LRRC7: variants seen among roughly 807,000 people sequenced by gnomAD.
LRRC7 encodes leucine-rich repeat-containing protein 7.
Under a neutral mutation model 175.7 loss-of-function variants are expected in LRRC7, and 23 were observed. The observed-to-expected ratio is 0.13, with a 90% CI of 0.09 to 0.19. The LOEUF (loss-of-function observed/expected upper bound fraction) is 0.19, where lower values mean the gene tolerates loss of function less well. Among genes scored for constraint, LRRC7 ranks in the 10% least tolerant of loss-of-function variants. The pLI is 1.00. For synonymous variants in LRRC7, 685 were observed against 680.9 expected, an observed-to-expected ratio of 1.01 and a Z score of -0.09; for missense variants, 1,354 against 1,904.7, an observed-to-expected ratio of 0.71 and a Z score of 5.38.
intron 2 of LRRC7, among the ~76,000 whole-genome samples, chr1:69,709,155 G>A (rs1430616384): frequency 6.6e-6 from 1 of 152,218 alleles, no homozygotes; most frequent in East Asian, 1.9e-4. Context: ...AGACTATGCA[G>A]TGGTAAGAAA....
At chr1:69,816,965 G>A (rs543174249) in intron 4 of LRRC7, among the ~76,000 whole-genome samples, 1 of 151,996 alleles carries the variant, frequency 6.6e-6, no homozygotes, top group East Asian at 1.9e-4. Context: ...GTTCCAAATA[G>A]GAGGATTTGC....
Position 70,038,235 on chromosome 1 carries a change from A to G in LRRC7, c.2411A>G (p.Asp804Gly). 1 of 1,614,162 alleles carries G rather than the reference A, an allele frequency of 6.2e-7. No individual in the cohort carries two copies. The highest frequency in any genetic ancestry group is 2.2e-5 in the East Asian group (1 of 44,868). The change falls in exon 21 of 27, where the codon GAC (aspartate) becomes GGC (glycine). Residue 804 changes from aspartate to glycine, a missense_variant. This residue lies in a region of LRRC7 where 1,032 missense variants were observed against 1,227.2 expected (regional missense o/e 0.84). Coordinates refer to ENST00000651989, the MANE Select transcript of LRRC7 (RefSeq NM_001370785.2). ...DRLPMSDTFTDNWTDGSHYDN... is the reference protein window; with the variant it reads ...DRLPMSDTFTGNWTDGSHYDN... Reference sequence around the variant, plus strand: ...CTGCCCATGAGTGATACTTTCACTGACAACTGGACTGATGGCTCGCATTAT... The same window carrying G: ...CTGCCCATGAGTGATACTTTCACTGGCAACTGGACTGATGGCTCGCATTAT...
At chr1:69,756,116 TCAG>T (rs1450806126) in intron 2 of LRRC7, among the ~76,000 whole-genome samples, 3 of 151,826 alleles carry the variant, frequency 2.0e-5, no homozygotes, top group Non-Finnish European at 4.4e-5. Context: ...AAAAGATGAT[TCAG>T]GGAACAACAT....
At chr1:69,576,264 A>G (rs1426683858) in intron 1 of LRRC7, among the ~76,000 whole-genome samples, 1 of 150,084 alleles carries the variant, frequency 6.7e-6, no homozygotes, top group Non-Finnish European at 1.5e-5. Context: ...TCCTTTAAAT[A>G]GTAAGATCCT....
rs1666782980 is a variant in LRRC7 at position 70,134,284 on chromosome 1, C to T, written c.*12397C>T. 6.6e-6 allele frequency among the ~76,000 whole-genome samples: 1 copy of T among 152,182 alleles called. No individual in the cohort carries two copies. The highest frequency in any genetic ancestry group is 1.5e-5 in the Non-Finnish European group (1 of 68,036). On this transcript the variant is annotated 3_prime_UTR_variant, in exon 27 of 27. Transcript: ENST00000651989. ...ATCTGGGTGCTGAAGGCAGAGAACC[C>T]CTGGCGGCCTTGGTGACATGTGTCC...
intron 2 of LRRC7, among the ~76,000 whole-genome samples, chr1:69,683,907 C>A (rs936602607): frequency 1.4e-4 from 21 of 151,786 alleles, no homozygotes; most frequent in Admixed American, 1.4e-3. Flanking sequence ...TCCATGAATA[C>A]AAAGGAAAGA....
chr1:70,016,330 A>G (rs986875196), intron 13 of LRRC7, 135 bp from the exon 14 acceptor site: 3 of 507,368 alleles, frequency 5.9e-6, no homozygotes, highest in Non-Finnish European at 1.0e-5. Context: ...TTTTTTAAAT[A>G]TTGTTCAGGC....
rs1659352342 is a variant in LRRC7, at chr1:70,036,727, G to A, written c.2288+103G>A. ...TTGGAATTGTATTCGGCACACAAGTGGCATAGAAGACAGAAGGGGCAGGTA... is the reference window on the plus strand; with the variant it reads ...TTGGAATTGTATTCGGCACACAAGTAGCATAGAAGACAGAAGGGGCAGGTA... On this transcript the variant is annotated intron_variant, in intron 20 of 26. Coordinates refer to ENST00000651989, the MANE Select transcript of LRRC7 (RefSeq NM_001370785.2). The A allele has an allele frequency of 1.2e-5, 15 of 1,271,174 alleles. No individual in the cohort carries two copies. In the Admixed American group the frequency reaches 1.2e-4, roughly 10 times the overall value. 78.7% of individuals were successfully genotyped at this position (1,271,174 alleles called of 1,614,324 possible). A position where few individuals can be genotyped will look rare whatever the true frequency, so the allele number is the denominator to read the frequency against.
chr1:70,101,569 T>G (rs1664810181), intron 25 of LRRC7, among the ~76,000 whole-genome samples: 1 of 152,164 alleles, frequency 6.6e-6, no homozygotes, highest in Non-Finnish European at 1.5e-5. Flanking sequence ...TCTAAGTCCT[T>G]TAAGGTTTAT....
At chr1:69,674,644 C>G (rs1659539306) in intron 1 of LRRC7, among the ~76,000 whole-genome samples, 1 of 151,912 alleles carries the variant, frequency 6.6e-6, no homozygotes, top group South Asian at 2.1e-4. Flanking sequence ...TGTTAGTGTC[C>G]TCGGAAAATT....
At chr1:69,855,500 A>G (rs567835846) in intron 7 of LRRC7, among the ~76,000 whole-genome samples, 1 of 152,128 alleles carries the variant, frequency 6.6e-6, no homozygotes, top group Non-Finnish European at 1.5e-5. Flanking sequence ...ACAGTTTGTT[A>G]TAATTTCTGT....
In LRRC7 at chr1:70,021,183, C is replaced by T. The variant is rs1407292800; in HGVS notation, c.1545+54C>T. Reference sequence around the variant, plus strand: ...TCTTCTCCTTATCTTTTTGTTTGTCCGTTTTTCTTATTCAGATAGATTTTG... The same window carrying T: ...TCTTCTCCTTATCTTTTTGTTTGTCTGTTTTTCTTATTCAGATAGATTTTG... On this transcript the variant is annotated intron_variant, in intron 16 of 26. Coordinates refer to ENST00000651989, the MANE Select transcript of LRRC7 (RefSeq NM_001370785.2). The T allele has an allele frequency of 8.4e-6, 13 of 1,555,348 alleles. No individual in the cohort carries two copies. The East Asian group carries it at 9.2e-5, about 11-fold the overall frequency.
intron 26 of LRRC7, among the ~76,000 whole-genome samples, chr1:70,111,255 A>G (rs578194859): frequency 6.6e-6 from 1 of 152,274 alleles, no homozygotes; most frequent in African/African-American, 2.4e-5. Flanking sequence ...TTCTTCAGCT[A>G]TGATATTATG....
At chr1:69,670,794 C>T (rs966044321) in intron 1 of LRRC7, among the ~76,000 whole-genome samples, 7 of 152,142 alleles carry the variant, frequency 4.6e-5, no homozygotes, top group Non-Finnish European at 8.8e-5. Flanking sequence ...CCACCATCTC[C>T]ACAGACCCAT....
intron 25 of LRRC7, among the ~76,000 whole-genome samples, chr1:70,091,584 G>A (rs1023112433): frequency 2.0e-5 from 3 of 152,128 alleles, no homozygotes; most frequent in Non-Finnish European, 4.4e-5. Flanking sequence ...TCAGAATACT[G>A]TTGCATTTCT....
At chr1:69,773,738 C>T (rs1488123460) in intron 3 of LRRC7, among the ~76,000 whole-genome samples, 1 of 152,160 alleles carries the variant, frequency 6.6e-6, no homozygotes, top group East Asian at 1.9e-4. Flanking sequence ...CTGTGCTAAT[C>T]ACTTCATATG....
intron 2 of LRRC7, among the ~76,000 whole-genome samples, chr1:69,705,357 C>T (rs1663901109): frequency 1.3e-5 from 2 of 152,228 alleles, no homozygotes; most frequent in East Asian, 3.9e-4. Flanking sequence ...TTCTCCTTGA[C>T]TTGTATTCCA....
At chr1:69,611,387 C>T (rs1308912889) in intron 1 of LRRC7, among the ~76,000 whole-genome samples, 1 of 151,912 alleles carries the variant, frequency 6.6e-6, no homozygotes, top group Non-Finnish European at 1.5e-5. Flanking sequence ...CGTGTTCTAT[C>T]AAGTTGTGTT....
At chr1:69,939,709 C>G (rs1362095745) in intron 8 of LRRC7, among the ~76,000 whole-genome samples, 2 of 152,078 alleles carry the variant, frequency 1.3e-5, no homozygotes, top group Non-Finnish European at 2.9e-5. Flanking sequence ...TCATTTTCTC[C>G]AGAAAGTTTT....
Sources: gnomAD v4.1 joint callset for allele counts (sites outside exome capture counted in the v4.1 genomes callset) on GRCh38, gnomAD v4.1.1 for gene constraint, gnomAD v4.1.1 regional missense constraint, MANE v1.5 for transcripts, NCBI Gene and HGNC (gene_info 2026-07-23, HGNC 2026-07-21) for gene names.